OR1J2: variants seen among roughly 807,000 people sequenced by gnomAD.
OR1J2 encodes olfactory receptor family 1 subfamily J member 2.
For synonymous variants in OR1J2, 142 were observed against 99.7 expected (o/e 1.42, Z -2.52); for missense variants, 304 against 246.1 (o/e 1.24, Z -1.57).
At chr9:122,509,927 ATAATGATAACTGTTC>A, upstream of OR1J2, among the ~76,000 whole-genome samples, 1 of 152,204 alleles carries the variant, frequency 6.6e-6, no homozygotes, top group East Asian at 1.9e-4. Context: ...AAATGTATGC[ATAATGATAACTGTTC>A]TAATGAGAAC....
At chr9:122,488,825 G>C in the OR1J2 span, among the ~76,000 whole-genome samples, 15 of 151,860 alleles carry the variant, frequency 9.9e-5, no homozygotes, top group African/African-American at 3.6e-4. Flanking sequence ...ATTTTGTGAG[G>C]CACTGTAAGT....
the OR1J2 span, among the ~76,000 whole-genome samples, chr9:122,466,099 T>A: frequency 6.6e-6 from 1 of 152,122 alleles, no homozygotes; most frequent in African/African-American, 2.4e-5. Context: ...TTCATATACT[T>A]TTTGTGAAGG....
the OR1J2 span, among the ~76,000 whole-genome samples, chr9:122,490,156 T>C: frequency 6.6e-6 from 1 of 152,178 alleles, no homozygotes; most frequent in Non-Finnish European, 1.5e-5. Context: ...ATTGTACTGG[T>C]GGCAGGGGAG....
At chr9:122,580,359 C>G in the OR1J2 span, among the ~76,000 whole-genome samples, 1 of 152,178 alleles carries the variant, frequency 6.6e-6, no homozygotes, top group Non-Finnish European at 1.5e-5. Flanking sequence ...CAGGATGGCA[C>G]ACTAGAATGC....
chr9:122,491,661 T>G, the OR1J2 span, among the ~76,000 whole-genome samples: 4 of 152,050 alleles, frequency 2.6e-5, no homozygotes, highest in Non-Finnish European at 5.9e-5. Context: ...TTCGGTGACA[T>G]GACTAGGAGC....
the OR1J2 span, among the ~76,000 whole-genome samples, chr9:122,524,808 G>A: frequency 1.3e-5 from 2 of 152,176 alleles, no homozygotes; most frequent in African/African-American, 4.8e-5. Context: ...TATAGTGTGA[G>A]GCTGTATCTG....
chr9:122,455,923 A>T, the OR1J2 span, among the ~76,000 whole-genome samples: 1 of 152,104 alleles, frequency 6.6e-6, no homozygotes, highest in African/African-American at 2.4e-5. Flanking sequence ...CTATCCAATC[A>T]CCCCAGAACC....
chr9:122,523,738 T>G, the OR1J2 span, among the ~76,000 whole-genome samples: 1 of 152,136 alleles, frequency 6.6e-6, no homozygotes, highest in Non-Finnish European at 1.5e-5. Flanking sequence ...ATAATTTTGA[T>G]TAGGTTTAAC....
chr9:122,524,299 A>G, the OR1J2 span, among the ~76,000 whole-genome samples: 1 of 152,230 alleles, frequency 6.6e-6, no homozygotes, highest in Non-Finnish European at 1.5e-5. Flanking sequence ...GTGTAAGTGT[A>G]CTTTATGATG....
upstream of OR1J2, among the ~76,000 whole-genome samples, chr9:122,508,381 C>T (rs575803993): frequency 6.6e-6 from 1 of 152,200 alleles, no homozygotes; most frequent in African/African-American, 2.4e-5. Flanking sequence ...TTGAAACCTG[C>T]CACCGACTTG....
the OR1J2 span, among the ~76,000 whole-genome samples, chr9:122,548,601 A>ATATATATATATATATATATATT: frequency 6.6e-6 from 1 of 151,550 alleles, no homozygotes; most frequent in Non-Finnish European, 1.5e-5. Flanking sequence ...ATATATATAT[A>ATATATATATATATATATATATT]TTTTTATTAT....
the OR1J2 span, among the ~76,000 whole-genome samples, chr9:122,559,722 G>A: frequency 6.6e-6 from 1 of 152,112 alleles, no homozygotes; most frequent in African/African-American, 2.4e-5. Flanking sequence ...TGCATTTGCT[G>A]GGGAGTTTTT....
chr9:122,542,245 C>G, the OR1J2 span, among the ~76,000 whole-genome samples: 1 of 152,130 alleles, frequency 6.6e-6, no homozygotes, highest in South Asian at 2.1e-4. Context: ...TAATGGTGGG[C>G]AAATGGATTG....
the OR1J2 span, among the ~76,000 whole-genome samples, chr9:122,550,247 G>A: frequency 6.6e-6 from 1 of 152,082 alleles, no homozygotes; most frequent in Non-Finnish European, 1.5e-5. Flanking sequence ...TAGTGAGATT[G>A]AATCATACAA....
the OR1J2 span, among the ~76,000 whole-genome samples, chr9:122,537,217 G>T: frequency 2.0e-5 from 3 of 152,360 alleles, 1 homozygote; most frequent in South Asian, 6.2e-4. Flanking sequence ...GGGGCTGCAT[G>T]CACCGGTGGT....
At chr9:122,522,991 A>G in the OR1J2 span, among the ~76,000 whole-genome samples, 13 of 152,234 alleles carry the variant, frequency 8.5e-5, no homozygotes, top group Non-Finnish European at 1.5e-4. Context: ...ACATATATAC[A>G]CTGTTACTAT....
chr9:122,504,650 G>A, the OR1J2 span, among the ~76,000 whole-genome samples: 1,677 of 152,166 alleles, frequency 0.011, 14 homozygotes, highest in Non-Finnish European at 0.019. Flanking sequence ...CCACATACAT[G>A]TCATTTCTCT....
chr9:122,505,582 A>T, the OR1J2 span, among the ~76,000 whole-genome samples: 2 of 152,198 alleles, frequency 1.3e-5, no homozygotes, highest in African/African-American at 4.8e-5. Flanking sequence ...ACTTTGCTTT[A>T]TCTATGATGT....
the OR1J2 span, among the ~76,000 whole-genome samples, chr9:122,559,976 A>C: frequency 1.5e-3 from 224 of 152,316 alleles, 1 homozygote; most frequent in Admixed American, 5.1e-3. Flanking sequence ...GTCTCTTTGT[A>C]GGTCTCTAAG....
Sources: allele counts gnomAD v4.1 joint callset (sites outside exome capture counted in the v4.1 genomes callset), GRCh38; gene constraint gnomAD v4.1.1; transcripts MANE v1.5; gene names NCBI Gene and HGNC (gene_info 2026-07-23, HGNC 2026-07-21).